The following MAP3K13 variants were observed in gnomAD, a reference collection of about 807,000 sequenced individuals.
The protein encoded by MAP3K13 is leucine zipper-bearing kinase.
Under a neutral mutation model 104.0 loss-of-function variants are expected in MAP3K13, and 52 were observed. That is an observed-to-expected ratio of 0.50 (90% CI 0.40 to 0.63). The LOEUF is 0.63. Ranked by LOEUF, MAP3K13 falls within the 20% of genes least tolerant of loss-of-function variation. The probability of loss-of-function intolerance (pLI) is 0.00; values close to 1 mark genes in which losing one functional copy is unlikely to be tolerated. For synonymous variants in MAP3K13, 394 were observed against 442.2 expected, an observed-to-expected ratio of 0.89 and a Z score of 1.37; for missense variants, 914 against 1,218.5, an observed-to-expected ratio of 0.75 and a Z score of 3.72.
chr3:185,299,067 G>T (rs1273921616), intron 2 of MAP3K13, among the ~76,000 whole-genome samples: 1 of 152,204 alleles, frequency 6.6e-6, no homozygotes, highest in Non-Finnish European at 1.5e-5. Context: ...TGTTTAGGAT[G>T]TAGAATGTTG....
At chr3:185,379,288 C>T (rs1028361225) in intron 1 of MAP3K13, among the ~76,000 whole-genome samples, 12 of 152,168 alleles carry the variant, frequency 7.9e-5, no homozygotes, top group East Asian at 1.9e-4. Context: ...TGACAGACGC[C>T]GGAGTTTTGG....
At chr3:185,407,869 A>ATTTTTT (rs35693572) in intron 1 of MAP3K13, among the ~76,000 whole-genome samples, 23 of 69,110 alleles carry the variant, frequency 3.3e-4, no homozygotes, top group South Asian at 4.9e-4. Flanking sequence ...AATTTTGAGA[A>ATTTTTT]TTTTTTTTTT....
Position 185,332,231 on chromosome 3 carries a change from C to G in MAP3K13, c.-86+46588C>G, listed in dbSNP as rs950912851. ...GGGATTGTACCAATGTGTACTCCCC[C>G]CCCCCATTATAAGAGTACTGTTTCT... is the stretch of plus-strand genomic sequence containing the variant. On this transcript the variant is annotated intron_variant, in intron 2 of 14. Coordinates refer to the MAP3K13 transcript ENST00000424227. Among the ~76,000 whole-genome samples, 18 of 152,020 alleles carry G rather than the reference C, an allele frequency of 1.2e-4. 1 individual carries two copies. Among genetic ancestry groups the G allele is most frequent in the African/African-American group, 4.4e-4 (18 of 41,376 alleles).
At chr3:185,451,511 C>T in intron 7 of MAP3K13, 116 bp downstream of exon 7, 2 of 668,382 alleles carry the variant, frequency 3.0e-6, no homozygotes, top group African/African-American at 1.8e-5. Flanking sequence ...TAACTCCATT[C>T]ATTGTGACAC....
intron 1 of MAP3K13, among the ~76,000 whole-genome samples, chr3:185,376,270 A>C (rs1479870887): frequency 6.6e-6 from 1 of 152,190 alleles, no homozygotes; most frequent in Non-Finnish European, 1.5e-5. Flanking sequence ...CAGCTGAAGA[A>C]GCCGGGGAGC....
chr3:185,378,163 A>G (rs1724529268), intron 1 of MAP3K13, among the ~76,000 whole-genome samples: 1 of 152,112 alleles, frequency 6.6e-6, no homozygotes, highest in South Asian at 2.1e-4. Context: ...ATTATTGTAC[A>G]CCTTGAAGGC....
rs551903800 is a variant in MAP3K13 at position 185,421,646 on chromosome 3, T to C, written c.-85-6851T>C. On this transcript the variant is annotated intron_variant, in intron 1 of 13. Transcript: ENST00000265026. ...CCTTCTAATTTATACTAGTTTTGAT[T>C]TCTTATGAATTGAAAGGACCAAACA... Among the ~76,000 whole-genome samples the C allele has an allele frequency of 1.4e-4, 21 of 152,312 alleles. No individual in the cohort carries two copies. In the East Asian group the frequency reaches 4.1e-3, roughly 29 times the overall value.
In MAP3K13 at chr3:185,315,027, C is replaced by T. The variant is rs571841810; in HGVS notation, c.-86+29384C>T. ...CAGCACTTTGGGAGGCTGAGGCAGG[C>T]GCATCACGAAGTCAGGAGTTTGAGA... On this transcript the variant is annotated intron_variant, in intron 2 of 14. Coordinates refer to the MAP3K13 transcript ENST00000424227. The surrounding 1 kb of genome is among the most constrained non-coding windows in gnomAD (Gnocchi z 4.3). Among the ~76,000 whole-genome samples, 14 of 152,108 alleles carry T rather than the reference C, an allele frequency of 9.2e-5. No homozygotes were observed. Among genetic ancestry groups the T allele is most frequent in the Non-Finnish European group, 1.6e-4 (11 of 67,980 alleles).
At chr3:185,425,297 C>A (rs191568944) in intron 1 of MAP3K13, among the ~76,000 whole-genome samples, 1 of 152,294 alleles carries the variant, frequency 6.6e-6, no homozygotes, top group East Asian at 1.9e-4. Flanking sequence ...TCTTCTTTCC[C>A]AACCTTTCTT....
At chr3:185,331,471 T>C (rs1722278173) in intron 2 of MAP3K13, among the ~76,000 whole-genome samples, 1 of 151,050 alleles carries the variant, frequency 6.6e-6, no homozygotes, top group Admixed American at 6.6e-5. Flanking sequence ...TGTGTACATA[T>C]ATGTATGCCT....
intron 1 of MAP3K13, among the ~76,000 whole-genome samples, chr3:185,401,586 T>A (rs1447266116): frequency 6.6e-6 from 1 of 152,222 alleles, no homozygotes; most frequent in Non-Finnish European, 1.5e-5. Flanking sequence ...CCTATTTACT[T>A]CAGTAAAGCG....
At chr3:185,336,535 C>CT (rs1358721801) in intron 2 of MAP3K13, among the ~76,000 whole-genome samples, 1 of 135,576 alleles carries the variant, frequency 7.4e-6, no homozygotes, top group African/African-American at 2.9e-5. Context: ...GAGTGAGACT[C>CT]TGTCTCAAAA....
At chr3:185,454,432 T>TATATATGAGATATATATATGAG (rs1716159896) in intron 7 of MAP3K13, among the ~76,000 whole-genome samples, 1 of 106,984 alleles carries the variant, frequency 9.3e-6, no homozygotes, top group East Asian at 2.3e-4. Context: ...ATATATATGA[T>TATATATGAGATATATATATGAG]ATATATGAGA....
intron 7 of MAP3K13, among the ~76,000 whole-genome samples, chr3:185,454,789 GAT>G (rs1553808254): frequency 1.8e-5 from 1 of 56,114 alleles, no homozygotes; most frequent in East Asian, 4.7e-4. Context: ...ATATATACAT[GAT>G]ATATATGAGA....
In MAP3K13 at chr3:185,487,432, C is replaced by T. The variant is rs1009101339; in HGVS notation, c.*4976C>T. 1.3e-5 allele frequency: 2 copies of T among 151,890 alleles called. No individual in the cohort carries two copies. Among genetic ancestry groups the T allele is most frequent in the African/African-American group, 2.4e-5 (1 of 41,274 alleles). 9.4% of individuals were successfully genotyped at this position (151,890 alleles called of 1,614,324 possible). A position where few individuals can be genotyped will look rare whatever the true frequency, so the allele number is the denominator to read the frequency against. On this transcript the variant is annotated 3_prime_UTR_variant, in exon 14 of 14. Transcript: ENST00000265026. The stretch of plus-strand genomic sequence containing the variant: ...CCTCCTGCTTTGGCCTCCCAAAGTA[C>T]TGGGATTACAAACGTGAGCTGCCAT...
chr3:185,449,371 TAAAA>T (rs61621090), intron 5 of MAP3K13, among the ~76,000 whole-genome samples: 2 of 80,774 alleles, frequency 2.5e-5, no homozygotes, highest in African/African-American at 4.8e-5. Context: ...AGATGCTGTC[TAAAA>T]AAAAAAAAAA....
At chr3:185,444,853 T>G (rs1485182383) in intron 4 of MAP3K13, among the ~76,000 whole-genome samples, 1 of 152,030 alleles carries the variant, frequency 6.6e-6, no homozygotes, top group African/African-American at 2.4e-5. Context: ...CATGGTAGTA[T>G]GAGCCTATAG....
chr3:185,342,811 C>T (rs960719030), intron 2 of MAP3K13, among the ~76,000 whole-genome samples: 23 of 152,186 alleles, frequency 1.5e-4, no homozygotes, highest in Admixed American at 1.5e-3. Flanking sequence ...TTTGTCACCT[C>T]AGTTACTGGG....
intron 1 of MAP3K13, among the ~76,000 whole-genome samples, chr3:185,385,902 C>G (rs1281604375): frequency 6.6e-6 from 1 of 151,948 alleles, no homozygotes; most frequent in Non-Finnish European, 1.5e-5. Context: ...ACTCAGGAGG[C>G]TGAGGCAGGA....
Sources: allele counts gnomAD v4.1 joint callset (sites outside exome capture counted in the v4.1 genomes callset), GRCh38; gene constraint gnomAD v4.1.1; non-coding constraint Gnocchi (gnomAD v3.1); transcripts MANE v1.5; gene names NCBI Gene and HGNC (gene_info 2026-07-23, HGNC 2026-07-21).